Variants in DISC1 observed in about 807,000 individuals in gnomAD.
DISC1 encodes DISC1 scaffold protein.
DISC1 carries 57 observed loss-of-function variants against 84.5 expected under a neutral mutation model. The observed-to-expected ratio is 0.67, with a 90% CI of 0.55 to 0.84. The LOEUF is 0.84. Ranked by LOEUF, DISC1 falls within the 40% of genes least tolerant of loss-of-function variation. The probability of loss-of-function intolerance (pLI) is 0.00; values close to 1 mark genes in which losing one functional copy is unlikely to be tolerated. For synonymous variants in DISC1, 411 were observed against 415.2 expected, an observed-to-expected ratio of 0.99 and a Z score of 0.12; for missense variants, 1,000 against 1,057.8, an observed-to-expected ratio of 0.95 and a Z score of 0.76.
Position 232,036,701 on chromosome 1 carries a change from G to C in DISC1, c.2435G>C (p.Arg812Thr), listed in dbSNP as rs1572715245. Residue 812 changes from arginine (R) to threonine (T), a missense_variant, in exon 13 of 13, where the codon AGG (arginine) becomes ACG (threonine). Around this residue, in one of 3 missense-constraint regions of DISC1, gnomAD observed 397 missense variants for 377.5 expected, o/e 1.05. Coordinates refer to ENST00000439617, the MANE Select transcript of DISC1 (RefSeq NM_018662.3). ...SHDEDLIQSL[R>T]RELQMVKETL... ...TTAACAATGTGCCCACAGTCTCTCA[G>C]GAGGGAGCTCCAGATGGTGAAGGAA... 3.1e-6 allele frequency: 5 copies of C among 1,598,364 alleles called. No individual in the cohort carries two copies. The East Asian group carries it at 1.1e-4, about 36-fold the overall frequency.
At chr1:231,663,838 G>A (rs1302568403) in intron 1 of DISC1, among the ~76,000 whole-genome samples, 1 of 152,086 alleles carries the variant, frequency 6.6e-6, no homozygotes, top group East Asian at 1.9e-4. Context: ...AATGATTACT[G>A]TTATATAGAT....
rs774489082 is a variant in DISC1, at chr1:231,749,949, G to C, written c.1141G>C (p.Glu381Gln). The C allele has an allele frequency of 6.2e-7, 1 of 1,614,168 alleles. No individual in the cohort carries two copies. The highest frequency in any genetic ancestry group is 8.5e-7 in the Non-Finnish European group (1 of 1,180,014). ...AGCTGAGACGTTACAACAAAGATTAGAAGACCTGGAACAAGAGAAAATCAG... is the reference window on the plus strand; with the variant it reads ...AGCTGAGACGTTACAACAAAGATTACAAGACCTGGAACAAGAGAAAATCAG... ...DKAETLQQRL[E>Q]DLEQEKISLH... is the part of the protein sequence containing the mutation. Residue 381 changes from glutamate to glutamine, a missense_variant, in exon 4 of 13, where the codon GAA becomes CAA. Physicochemically the swap from Glu to Gln is conservative, Grantham distance 29. Around this residue, in one of 3 missense-constraint regions of DISC1, gnomAD observed 311 missense variants for 400.1 expected, o/e 0.78. Coordinates refer to ENST00000439617, the MANE Select transcript of DISC1 (RefSeq NM_018662.3).
intron 9 of DISC1, among the ~76,000 whole-genome samples, chr1:231,939,991 C>G (rs1009918434): frequency 6.6e-6 from 1 of 152,160 alleles, no homozygotes; most frequent in Admixed American, 6.5e-5. Flanking sequence ...GATCCACCCA[C>G]TTCAGCCTTC....
intron 9 of DISC1, among the ~76,000 whole-genome samples, chr1:231,876,457 G>A (rs1004149806): frequency 6.6e-6 from 1 of 152,150 alleles, no homozygotes; most frequent in Non-Finnish European, 1.5e-5. Context: ...CCAGCCTCAT[G>A]TATTTCTTTA....
intron 9 of DISC1, among the ~76,000 whole-genome samples, chr1:231,930,146 CA>C (rs1363132204): frequency 6.6e-6 from 1 of 152,202 alleles, no homozygotes; most frequent in African/African-American, 2.4e-5. Flanking sequence ...TAGAGAGTTT[CA>C]GAAAATGTTC....
chr1:231,743,587 AT>A (rs2073599356), intron 3 of DISC1, among the ~76,000 whole-genome samples: 1 of 152,236 alleles, frequency 6.6e-6, no homozygotes, highest in African/African-American at 2.4e-5. Context: ...TCATATAAAC[AT>A]TTGAACGCTT....
chr1:231,902,314 T>C (rs2088241908), intron 9 of DISC1, among the ~76,000 whole-genome samples: 1 of 152,068 alleles, frequency 6.6e-6, no homozygotes, highest in South Asian at 2.1e-4. Flanking sequence ...GTATTCTAGG[T>C]AGTTGGATAT....
At chr1:231,645,503 T>A (rs1162415438) in intron 1 of DISC1, among the ~76,000 whole-genome samples, 1 of 149,146 alleles carries the variant, frequency 6.7e-6, no homozygotes, top group Non-Finnish European at 1.5e-5. Flanking sequence ...TCATGTCACT[T>A]CTTTTTTTTT....
intron 9 of DISC1, among the ~76,000 whole-genome samples, chr1:231,955,678 C>T (rs1449763862): frequency 6.6e-6 from 1 of 151,778 alleles, no homozygotes. Flanking sequence ...TTAGTAGAGA[C>T]GGGGTTTCAC....
At chr1:231,711,340 T>C (rs2067802160) in intron 3 of DISC1, among the ~76,000 whole-genome samples, 1 of 151,880 alleles carries the variant, frequency 6.6e-6, no homozygotes, top group African/African-American at 2.4e-5. Flanking sequence ...TGTTTATTTT[T>C]GTATGAGGAC....
chr1:231,752,447 C>CT (rs1446505463), intron 4 of DISC1, among the ~76,000 whole-genome samples: 5 of 152,158 alleles, frequency 3.3e-5, no homozygotes, highest in Admixed American at 3.3e-4. Flanking sequence ...CATGAGAACT[C>CT]TATCATGAGA....
chr1:231,846,040 G>A (rs1429161729), intron 9 of DISC1, among the ~76,000 whole-genome samples: 6 of 152,058 alleles, frequency 3.9e-5, no homozygotes, highest in Admixed American at 1.3e-4. Flanking sequence ...ACAGCTTGGG[G>A]TGAAGCTGAA....
In DISC1 at chr1:231,935,338, C is replaced by T. The variant is rs536621822; in HGVS notation, c.1982-23490C>T. On this transcript the variant is annotated intron_variant, in intron 9 of 12. Coordinates refer to ENST00000439617, the MANE Select transcript of DISC1 (RefSeq NM_018662.3). The stretch of plus-strand genomic sequence containing the variant: ...AAGATTGGGTGTTGGGGGCGTGGGG[C>T]GTGGTGAGGAAGGAGGAAAGCACTA... 7.2e-5 allele frequency among the ~76,000 whole-genome samples: 11 copies of T among 152,088 alleles called. No homozygotes were observed. The South Asian group carries it at 1.9e-3, about 26-fold the overall frequency.
chr1:231,977,707 C>G (rs969094387), intron 10 of DISC1, among the ~76,000 whole-genome samples: 3 of 152,192 alleles, frequency 2.0e-5, no homozygotes, highest in African/African-American at 7.2e-5. Context: ...CACCCGCACC[C>G]TAGCACCAAC....
chr1:231,885,658 T>A (rs2086627737), intron 9 of DISC1, among the ~76,000 whole-genome samples: 2 of 152,226 alleles, frequency 1.3e-5, no homozygotes, highest in African/African-American at 4.8e-5. Flanking sequence ...CACTATTTTC[T>A]GGATCACTTC....
intron 10 of DISC1, chr1:231,959,257 A>G: frequency 1.0e-6 from 1 of 994,530 alleles, no homozygotes; most frequent in Non-Finnish European, 1.2e-6. Flanking sequence ...CGGTTTATAC[A>G]TGGTTTGGAA....
At position 231,626,816 on chromosome 1, in the gene DISC1, G is replaced by C. The variant is rs2058283384; in HGVS notation, c.-52G>C. Reference sequence around the variant, plus strand: ...CCTTCCCCCCGCCTCTGGCCTCGGGGAAGGAGCAGGAGGCAGCCCAGGCGG... The same window carrying C: ...CCTTCCCCCCGCCTCTGGCCTCGGGCAAGGAGCAGGAGGCAGCCCAGGCGG... On this transcript the variant is annotated 5_prime_UTR_variant, in exon 1 of 13. Coordinates refer to ENST00000439617, the MANE Select transcript of DISC1 (RefSeq NM_018662.3). 1.5e-6 allele frequency: 2 copies of C among 1,339,388 alleles called. No individual in the cohort carries two copies. Among genetic ancestry groups the C allele is most frequent in the African/African-American group, 1.6e-5 (1 of 64,340 alleles). The allele number at this position is 1,339,388 out of a possible 1,614,324, so 83.0% of individuals were successfully genotyped here.
At chr1:232,004,468 A>G (rs766626354) in intron 10 of DISC1, among the ~76,000 whole-genome samples, 6 of 152,174 alleles carry the variant, frequency 3.9e-5, no homozygotes, top group Non-Finnish European at 8.8e-5. Context: ...TTAAAAAAGG[A>G]TTAATTTATA....
chr1:231,886,771 CTTTCTTTCTTT>C (rs1558691952), intron 9 of DISC1, among the ~76,000 whole-genome samples: 2,801 of 73,510 alleles, frequency 0.038, 65 homozygotes, highest in Middle Eastern at 0.082. Flanking sequence ...TCCTTCCTTT[CTTTCTTTCTTT>C]CTTTCTTTCT....
Sources: allele counts gnomAD v4.1 joint callset (sites outside exome capture counted in the v4.1 genomes callset), GRCh38; gene constraint gnomAD v4.1.1; regional missense constraint gnomAD v4.1.1; transcripts MANE v1.5; gene names NCBI Gene and HGNC (gene_info 2026-07-23, HGNC 2026-07-21).